Variants in DDHD2 observed in about 807,000 individuals in gnomAD.
DDHD2 encodes the protein DDHD domain containing 2.
In DDHD2, 62 loss-of-function variants were observed where a neutral mutation model predicts 91.2. The ratio of observed to expected loss-of-function variants is 0.68; its 90% CI spans 0.55 to 0.84. The LOEUF (loss-of-function observed/expected upper bound fraction) is 0.84. DDHD2 is among the 40% of genes least tolerant of loss of function. DDHD2 has a pLI of 0.00. For synonymous variants in DDHD2, 271 were observed against 293.9 expected (o/e 0.92, Z 0.80); for missense variants, 740 against 846.9 (o/e 0.87, Z 1.57).
chr8:38,235,667 G>A (rs1804661020), intron 3 of DDHD2, among the ~76,000 whole-genome samples: 1 of 150,838 alleles, frequency 6.6e-6, no homozygotes, highest in Non-Finnish European at 1.5e-5. Flanking sequence ...GTTGTGGTGA[G>A]TGGAGATCGC....
chr8:38,267,211 G>A (rs1460345453), downstream of DDHD2: 2 of 1,613,432 alleles, frequency 1.2e-6, no homozygotes, highest in Non-Finnish European at 1.7e-6. Context: ...AGCTTTCTAG[G>A]TTAAATTCAA....
intron 16 of DDHD2, among the ~76,000 whole-genome samples, chr8:38,258,089 G>A (rs1350738117): frequency 6.6e-6 from 1 of 152,064 alleles, no homozygotes; most frequent in African/African-American, 2.4e-5. Flanking sequence ...TCTTGCCTTG[G>A]CCTCCTGAGT....
intron 16 of DDHD2, among the ~76,000 whole-genome samples, chr8:38,259,501 TCA>T (rs1491511952): frequency 2.0e-5 from 3 of 152,004 alleles, no homozygotes; most frequent in African/African-American, 7.2e-5. Context: ...TTCTTCTGCC[TCA>T]GTCTCCCCAG....
Position 38,237,575 on chromosome 8 carries a change from A to C in DDHD2, c.449A>C (p.Lys150Thr). 1 of 1,598,732 alleles carries C rather than the reference A, an allele frequency of 6.3e-7. No individual in the cohort carries two copies. Among genetic ancestry groups the C allele is most frequent in the Non-Finnish European group, 8.5e-7 (1 of 1,172,186 alleles). Residue 150 changes from lysine to threonine, a missense_variant, in exon 4 of 18, where the codon AAA becomes ACA. Lys to Thr is a moderately conservative substitution (Grantham distance 78). This residue lies in a region of DDHD2 where 693 missense variants were observed against 764.2 expected (regional missense o/e 0.91). Transcript: ENST00000397166. ...CTTGCTGTAACTTTGGATGAATGGA[A>C]AAAGAAACTGGAATCTCCCAACAGA... ...YMLAVTLDEW[K>T]KKLESPNREI... is the part of the protein sequence containing the mutation.
chr8:38,244,741 T>C (rs905980464), intron 7 of DDHD2, among the ~76,000 whole-genome samples: 8 of 151,490 alleles, frequency 5.3e-5, no homozygotes, highest in Non-Finnish European at 1.2e-4. Context: ...ATTTTTTGTA[T>C]TTTTAGTAGA....
intron 11 of DDHD2, chr8:38,251,285 C>A (rs1009847376): frequency 1.3e-5 from 2 of 152,212 alleles, no homozygotes; most frequent in African/African-American, 4.8e-5. Flanking sequence ...TCAAGTGATC[C>A]GCCCACCTCA....
intron 14 of DDHD2, 24 bp from the exon 15 acceptor site, chr8:38,252,933 A>G (rs1440041324): frequency 3.1e-6 from 5 of 1,612,830 alleles, no homozygotes; most frequent in Non-Finnish European, 4.2e-6. Context: ...AAATCATTTA[A>G]TGTTCTTTAT....
rs768897430 is a variant in DDHD2, at chr8:38,249,753, G to A, written c.1294G>A (p.Gly432Arg). The A allele has an allele frequency of 1.7e-5, 28 of 1,612,138 alleles. No homozygotes were observed. The highest frequency in any genetic ancestry group is 2.0e-5 in the Non-Finnish European group (24 of 1,178,804). The part of the protein sequence containing the change: ...RDLQEIGIPL[G>R]PRKKILNYFS... ...TCTTCAGGAAATAGGAATTCCTTTAGGACCAAGAAAGAAGATATTAAACTA... is the reference window on the plus strand; with the variant it reads ...TCTTCAGGAAATAGGAATTCCTTTAAGACCAAGAAAGAAGATATTAAACTA... The change falls in exon 11 of 18, where the codon GGA (glycine) becomes AGA (arginine). Residue 432 changes from glycine to arginine, a missense_variant. Transcript: ENST00000397166.
At chr8:38,266,298 A>C (rs1303205037), downstream of DDHD2, 5 of 1,612,774 alleles carry the variant, frequency 3.1e-6, no homozygotes, top group Non-Finnish European at 4.2e-6. Context: ...CAAAGGCCAG[A>C]CCAGCAAATG....
downstream of DDHD2, chr8:38,267,711 A>C (rs10087284): frequency 1.4e-3 from 968 of 670,076 alleles, 4 homozygotes; most frequent in African/African-American, 0.013. Flanking sequence ...GGCAGAAAAG[A>C]GCCCAGGTGT....
chr8:38,262,845 GTCTT>G (rs1258559352), downstream of DDHD2: 2 of 152,154 alleles, frequency 1.3e-5, no homozygotes, highest in African/African-American at 4.8e-5. Flanking sequence ...GATTTTCTCT[GTCTT>G]TATGTATTAC....
chr8:38,245,548 G>A (rs1257238089), intron 7 of DDHD2, among the ~76,000 whole-genome samples, 194 bp from the exon 8 acceptor site: 4 of 152,040 alleles, frequency 2.6e-5, no homozygotes, highest in Non-Finnish European at 5.9e-5. Flanking sequence ...TTTGACTTGA[G>A]GGTTTTTTAT....
rs202216406 is a variant in DDHD2, at chr8:38,234,453, G to T, written c.280G>T (p.Gly94Trp). The T allele has an allele frequency of 2.6e-5, 42 of 1,612,126 alleles. No individual in the cohort carries two copies. In the Admixed American group the frequency reaches 4.7e-4, roughly 18 times the overall value. ...TDGGRYDVHL[G>W]ERMRYAVYWD... ...TGGGGGCAGATATGATGTTCATTTG[G>T]GGGAGAGGATGCGGTATGCTGTATA... The change falls in exon 3 of 18, where the codon GGG (glycine) becomes TGG (tryptophan). Residue 94 changes from glycine (G) to tryptophan (W), a missense_variant. Around this residue, in one of 2 missense-constraint regions of DDHD2, gnomAD observed 693 missense variants for 764.2 expected, o/e 0.91. Transcript: ENST00000397166.
At chr8:38,263,080 T>TA, downstream of DDHD2, 1 of 152,248 alleles carries the variant, frequency 6.6e-6, no homozygotes, top group East Asian at 1.9e-4. Context: ...TTTACTAAAG[T>TA]TCCAGCCCCT....
downstream of DDHD2, chr8:38,264,308 A>G (rs950999685): frequency 1.0e-5 from 8 of 789,754 alleles, no homozygotes; most frequent in South Asian, 1.9e-4. Context: ...CTCCTGGCTA[A>G]TTTTTGTATT....
chr8:38,254,362 T>C (rs904258663), intron 16 of DDHD2, among the ~76,000 whole-genome samples: 2 of 152,112 alleles, frequency 1.3e-5, no homozygotes, highest in Admixed American at 6.6e-5. Context: ...TTATGGTAGC[T>C]GTGACAGAAT....
intron 5 of DDHD2, among the ~76,000 whole-genome samples, chr8:38,239,898 T>A (rs1805111968): frequency 6.6e-6 from 1 of 151,142 alleles, no homozygotes. Flanking sequence ...GCTAATTTTG[T>A]ATTTTTAGTA....
intron 17 of DDHD2, 68 bp downstream of exon 17, chr8:38,260,215 G>T: frequency 1.1e-6 from 1 of 871,662 alleles, no homozygotes; most frequent in Non-Finnish European, 1.8e-6. Flanking sequence ...GAACTATGGA[G>T]CCTCAAGCTC....
intron 6 of DDHD2, among the ~76,000 whole-genome samples, chr8:38,241,231 A>AT (rs200441143): frequency 3.3e-5 from 5 of 151,156 alleles, no homozygotes; most frequent in African/African-American, 4.9e-5. Context: ...ACAACAGTGT[A>AT]TTTTTTTTTC....
Sources: gnomAD v4.1 joint callset for allele counts (sites outside exome capture counted in the v4.1 genomes callset) on GRCh38, gnomAD v4.1.1 for gene constraint, gnomAD v4.1.1 regional missense constraint, MANE v1.5 for transcripts, NCBI Gene and HGNC (gene_info 2026-07-23, HGNC 2026-07-21) for gene names.